The following CSMD3 variants were observed in gnomAD, a reference collection of about 807,000 sequenced individuals.
The protein encoded by CSMD3 is CUB and sushi domain-containing protein 3.
Under a neutral mutation model 435.2 loss-of-function variants are expected in CSMD3, and 177 were observed. That is an observed-to-expected ratio of 0.41 (90% confidence interval 0.36 to 0.46). CSMD3 has a LOEUF of 0.46. Ranked by LOEUF, CSMD3 falls within the 20% of genes least tolerant of loss-of-function variation. The probability of loss-of-function intolerance (pLI) is 0.34; values close to 1 mark genes in which losing one functional copy is unlikely to be tolerated. For synonymous variants in CSMD3, 1,656 were observed against 1,520.5 expected, an observed-to-expected ratio of 1.09 and a Z score of -2.07; for missense variants, 4,265 against 4,504.6, an observed-to-expected ratio of 0.95 and a Z score of 1.52.
At chr8:113,392,112 A>G (rs1165447115) in intron 1 of CSMD3, among the ~76,000 whole-genome samples, 1 of 152,040 alleles carries the variant, frequency 6.6e-6, no homozygotes, top group Non-Finnish European at 1.5e-5. Flanking sequence ...AAAAACAACA[A>G]ATTATCATTA....
chr8:112,982,682 T>C (rs1442635759), intron 6 of CSMD3, among the ~76,000 whole-genome samples: 1 of 151,976 alleles, frequency 6.6e-6, no homozygotes, highest in African/African-American at 2.4e-5. Context: ...TTAATATCAT[T>C]TGAAAGCAGA....
At chr8:113,405,698 G>A (rs1248177396) in intron 1 of CSMD3, among the ~76,000 whole-genome samples, 2 of 151,568 alleles carry the variant, frequency 1.3e-5, no homozygotes, top group Admixed American at 1.3e-4. Flanking sequence ...TGAAAATGTA[G>A]GATCACCTAT....
chr8:112,617,990 T>C (rs986952866), intron 22 of CSMD3, among the ~76,000 whole-genome samples: 1 of 152,046 alleles, frequency 6.6e-6, no homozygotes, highest in South Asian at 2.1e-4. Context: ...TGTATTTACA[T>C]AGAAGCAGAA....
At chr8:112,948,709 T>C (rs1484596029) in intron 8 of CSMD3, among the ~76,000 whole-genome samples, 1 of 131,716 alleles carries the variant, frequency 7.6e-6, no homozygotes, top group African/African-American at 2.7e-5. Flanking sequence ...ATTTACCTGC[T>C]TTTTTTTTAG....
At chr8:113,279,890 A>G (rs565293578) in intron 2 of CSMD3, among the ~76,000 whole-genome samples, 2 of 151,530 alleles carry the variant, frequency 1.3e-5, no homozygotes, top group South Asian at 2.1e-4. Flanking sequence ...ATGCTTCAAG[A>G]TGTCAATGTT....
In CSMD3 at chr8:113,428,248, CTATCTATCT is replaced by C. The variant is rs1204730665; in HGVS notation, c.178+8420_178+8428del. Among the ~76,000 whole-genome samples, 302 of 150,966 alleles carry C rather than the reference CTATCTATCT, an allele frequency of 2.0e-3. 1 individual carries two copies. Among genetic ancestry groups the C allele is most frequent in the African/African-American group, 7.2e-3 (294 of 40,952 alleles). On this transcript the variant is annotated intron_variant, in intron 1 of 70. Coordinates refer to ENST00000297405, the MANE Select transcript of CSMD3 (RefSeq NM_198123.2). ...TCTATCTATCTATCTATCTATCTAT[CTATCTATCT>C]ATCTTTCTGTCTAATCACGACTATT...
chr8:112,784,913 A>G (rs2078497168), intron 13 of CSMD3, among the ~76,000 whole-genome samples: 1 of 152,044 alleles, frequency 6.6e-6, no homozygotes, highest in Non-Finnish European at 1.5e-5. Flanking sequence ...CTCATTCTAC[A>G]AGGACAATAG....
chr8:112,837,676 G>A (rs989643451), intron 11 of CSMD3, among the ~76,000 whole-genome samples: 2 of 151,608 alleles, frequency 1.3e-5, no homozygotes, highest in Non-Finnish European at 3.0e-5. Context: ...GGATCTTGAG[G>A]ATGAAGTTCT....
rs200671408 is a variant in CSMD3 at position 113,239,436 on chromosome 8, C to G, written c.514+39156G>C. ...ACGTATGCCACTGTGATTTAGATAT[C>G]TGAAACATCAGTAATCCAGGGTGAG... is the stretch of plus-strand genomic sequence containing the variant. On this transcript the variant is annotated intron_variant, in intron 3 of 70. Transcript: ENST00000297405. 1.6e-4 allele frequency among the ~76,000 whole-genome samples: 24 copies of G among 152,158 alleles called. No homozygotes were observed. In the East Asian group the frequency reaches 3.9e-3, roughly 24 times the overall value.
intron 3 of CSMD3, among the ~76,000 whole-genome samples, chr8:113,225,478 C>G (rs1290182354): frequency 6.6e-6 from 1 of 151,422 alleles, no homozygotes; most frequent in African/African-American, 2.4e-5. Context: ...GAACTGGAAG[C>G]CATTATCCTT....
chr8:113,070,317 C>T (rs1047009954), intron 5 of CSMD3, among the ~76,000 whole-genome samples: 2 of 151,952 alleles, frequency 1.3e-5, no homozygotes, highest in African/African-American at 4.8e-5. Context: ...TAACTGAATA[C>T]TATTCCACCT....
At chr8:113,109,435 C>T (rs2090572840) in intron 4 of CSMD3, among the ~76,000 whole-genome samples, 1 of 152,064 alleles carries the variant, frequency 6.6e-6, no homozygotes, top group Admixed American at 6.6e-5. Context: ...ATATCTGCTT[C>T]TAAAATACAA....
intron 4 of CSMD3, among the ~76,000 whole-genome samples, chr8:113,114,602 G>A (rs967046578): frequency 6.6e-6 from 1 of 152,148 alleles, no homozygotes; most frequent in African/African-American, 2.4e-5. Context: ...GCATGGGTTA[G>A]TACAGTAATT....
intron 1 of CSMD3, among the ~76,000 whole-genome samples, chr8:113,349,340 T>C (rs1239406975): frequency 6.6e-6 from 1 of 152,176 alleles, no homozygotes; most frequent in Non-Finnish European, 1.5e-5. Flanking sequence ...GTTTATGTCT[T>C]ACAGCAAAAG....
rs150817186 is a variant in CSMD3 at position 113,023,873 on chromosome 8, A to G, written c.918-4694T>C. Among the ~76,000 whole-genome samples, 1,003 of 152,272 alleles carry G rather than the reference A, an allele frequency of 6.6e-3. 12 individuals are homozygous for G. Among genetic ancestry groups the G allele is most frequent in the African/African-American group, 0.023 (961 of 41,574 alleles). On this transcript the variant is annotated intron_variant, in intron 5 of 70. Transcript: ENST00000297405. Reference sequence around the variant, plus strand: ...ACATACATTGTGTAATGATCAAATCAGAGTAATTAGCATATCCATCACCTC... The same window carrying G: ...ACATACATTGTGTAATGATCAAATCGGAGTAATTAGCATATCCATCACCTC...
chr8:112,584,743 TCA>T (rs1830590516), intron 23 of CSMD3, among the ~76,000 whole-genome samples: 1 of 151,648 alleles, frequency 6.6e-6, no homozygotes, highest in Non-Finnish European at 1.5e-5. Context: ...TTAAATTCTC[TCA>T]GTCAAGGGGC....
At chr8:112,908,767 G>A (rs2082329428) in intron 10 of CSMD3, among the ~76,000 whole-genome samples, 1 of 151,370 alleles carries the variant, frequency 6.6e-6, no homozygotes, top group South Asian at 2.1e-4. Context: ...GAAGAAAATT[G>A]GAGTCATTTA....
chr8:113,122,014 C>T (rs570988279), intron 4 of CSMD3, among the ~76,000 whole-genome samples: 19 of 152,088 alleles, frequency 1.2e-4, no homozygotes, highest in Middle Eastern at 3.4e-3. Flanking sequence ...GTGTTCAGTA[C>T]GACTTTTTTC....
intron 31 of CSMD3, among the ~76,000 whole-genome samples, chr8:112,487,504 T>C (rs145273671): frequency 2.0e-5 from 3 of 152,206 alleles, no homozygotes; most frequent in Admixed American, 2.0e-4. Context: ...TATGAGCAGA[T>C]GAAGTAGAAC....
Sources: gnomAD v4.1 joint callset for allele counts (sites outside exome capture counted in the v4.1 genomes callset) on GRCh38, gnomAD v4.1.1 for gene constraint, MANE v1.5 for transcripts, NCBI Gene and HGNC (gene_info 2026-07-23, HGNC 2026-07-21) for gene names.